The following NCR1 variants were observed in gnomAD, a reference collection of about 807,000 sequenced individuals.
NCR1 encodes the protein natural cytotoxicity triggering receptor 1, also known as NK cell-activating receptor.
A neutral mutation model predicts 32.5 loss-of-function variants in NCR1; 30 were observed. The observed-to-expected ratio is 0.92, with a 90% CI of 0.69 to 1.25. The LOEUF (loss-of-function observed/expected upper bound fraction) is 1.25, where lower values mean the gene tolerates loss of function less well. NCR1 is among the 50% of genes most tolerant of loss of function. The pLI, the probability that NCR1 is intolerant of heterozygous loss-of-function variation, is 0.00. For missense variants in NCR1, 369 were observed against 380.7 expected (o/e 0.97, Z 0.26); for synonymous variants, 169 against 143.4 (o/e 1.18, Z -1.28).
the NCR1 span, among the ~76,000 whole-genome samples, chr19:54,935,448 C>A: frequency 1.3e-5 from 2 of 152,106 alleles, no homozygotes; most frequent in East Asian, 3.9e-4. Context: ...GTAATCCTAG[C>A]ACTTTGGGAG....
downstream of NCR1, among the ~76,000 whole-genome samples, chr19:54,914,885 G>A (rs1256060845): frequency 3.3e-5 from 5 of 151,546 alleles, no homozygotes; most frequent in African/African-American, 9.7e-5. Context: ...GACTAGAGGC[G>A]CGCGCCACCA....
rs1444083219 is a variant in NCR1, at chr19:54,912,057, G to A, written c.683-111G>A. On this transcript the variant is annotated intron_variant, in intron 5 of 6. Coordinates refer to ENST00000291890, the MANE Select transcript of NCR1 (RefSeq NM_004829.7). ...ATGAAGCTCCTGGGACCCGCAGGGT[G>A]AGGTGGGACCTTGTAAAGCTGCAGA... The A allele has an allele frequency of 4.4e-6, 4 of 913,742 alleles. No individual in the cohort carries two copies. The East Asian group carries it at 7.2e-5, about 17-fold the overall frequency. The allele number at this position is 913,742 out of a possible 1,614,324, so 56.6% of individuals were successfully genotyped here. A position where few individuals can be genotyped will look rare whatever the true frequency, so the allele number is the denominator to read the frequency against.
chr19:54,904,531 C>CTTTTCTTTTTTTTTTTTT (rs1221694096), upstream of NCR1, among the ~76,000 whole-genome samples: 2 of 118,992 alleles, frequency 1.7e-5, no homozygotes, highest in African/African-American at 3.2e-5. Flanking sequence ...GTTTTCTTTT[C>CTTTTCTTTTTTTTTTTTT]TTTTTTTTTT....
At chr19:54,919,789 G>T (rs915715212), downstream of NCR1, among the ~76,000 whole-genome samples, 12 of 138,934 alleles carry the variant, frequency 8.6e-5, no homozygotes, top group Non-Finnish European at 1.8e-4. Flanking sequence ...TTTTGCTACC[G>T]CTGGACCATG....
At chr19:54,898,686 T>C in the NCR1 span, among the ~76,000 whole-genome samples, 2 of 152,144 alleles carry the variant, frequency 1.3e-5, no homozygotes, top group African/African-American at 2.4e-5. Context: ...CGTCTCAGGG[T>C]TGCTGCCAAA....
chr19:54,906,258 G>A, intron 1 of NCR1, 37 bp downstream of exon 1: 1 of 1,614,186 alleles, frequency 6.2e-7, no homozygotes, highest in Non-Finnish European at 8.5e-7. Flanking sequence ...GGATCACGGT[G>A]TGCCTGGGAG....
the NCR1 span, among the ~76,000 whole-genome samples, chr19:54,934,204 G>A: frequency 2.0e-5 from 3 of 152,126 alleles, no homozygotes; most frequent in East Asian, 1.9e-4. This position sits in a 1 kb window ranked among gnomAD's most constrained non-coding sequence, Gnocchi z 6.7. Context: ...GCCTCCCAAC[G>A]TGCTGGGATT....
chr19:54,910,461 T>G (rs2067914205), intron 5 of NCR1, among the ~76,000 whole-genome samples: 1 of 152,172 alleles, frequency 6.6e-6, no homozygotes, highest in African/African-American at 2.4e-5. Context: ...TCCCAGCTAC[T>G]CAGGAGGCTG....
upstream of NCR1, among the ~76,000 whole-genome samples, chr19:54,905,028 C>G (rs2067492285): frequency 6.6e-6 from 1 of 152,146 alleles, no homozygotes. Context: ...TATTGTGAAT[C>G]CTGCTGCAAT....
the NCR1 span, among the ~76,000 whole-genome samples, chr19:54,922,895 CACACAGAAACAG>C: frequency 6.6e-6 from 1 of 150,902 alleles, no homozygotes; most frequent in Non-Finnish European, 1.5e-5. Flanking sequence ...CAGAGACACA[CACACAGAAACAG>C]ACACAGAGAC....
upstream of NCR1, among the ~76,000 whole-genome samples, chr19:54,903,538 A>G (rs947888981): frequency 6.9e-6 from 1 of 144,808 alleles, no homozygotes; most frequent in Non-Finnish European, 1.5e-5. Context: ...ATATATATGC[A>G]TGTATGCATG....
the NCR1 span, among the ~76,000 whole-genome samples, chr19:54,926,775 G>A: frequency 2.6e-5 from 4 of 151,928 alleles, no homozygotes; most frequent in Admixed American, 6.6e-5. Context: ...AATTAGCTGG[G>A]TGTGGTGGCG....
At chr19:54,923,840 T>C in the NCR1 span, 9 of 1,614,092 alleles carry the variant, frequency 5.6e-6, no homozygotes, top group Non-Finnish European at 7.6e-6. Flanking sequence ...CAACAGCTTC[T>C]TGATTTCCAA....
At chr19:54,917,397 G>A (rs533249278), downstream of NCR1, among the ~76,000 whole-genome samples, 4 of 150,280 alleles carry the variant, frequency 2.7e-5, no homozygotes, top group Non-Finnish European at 5.9e-5. Flanking sequence ...TTGGCTCACT[G>A]CAACCTCTGC....
chr19:54,906,259 T>A, intron 1 of NCR1, 38 bp downstream of exon 1: 1 of 1,614,136 alleles, frequency 6.2e-7, no homozygotes, highest in Non-Finnish European at 8.5e-7. Context: ...GATCACGGTG[T>A]GCCTGGGAGG....
chr19:54,933,455 CTT>C, the NCR1 span: 1 of 1,379,182 alleles, frequency 7.3e-7, no homozygotes, highest in Non-Finnish European at 1.0e-6. Flanking sequence ...TCTGCCTGTT[CTT>C]TAATTCTTAC....
At chr19:54,933,835 C>T in the NCR1 span, 1 of 1,087,442 alleles carries the variant, frequency 9.2e-7, no homozygotes, top group Non-Finnish European at 1.4e-6. Flanking sequence ...TCAGCTTCAG[C>T]CCTTCCTGTT....
chr19:54,934,425 T>C, the NCR1 span: 9 of 1,550,024 alleles, frequency 5.8e-6, no homozygotes, highest in Non-Finnish European at 8.0e-6. The surrounding 1 kb of genome is among the most constrained non-coding windows in gnomAD (Gnocchi z 6.7). Flanking sequence ...AAGTCAGGTG[T>C]TACCCTTTCT....
chr19:54,905,600 G>C (rs951620942), upstream of NCR1, among the ~76,000 whole-genome samples: 2 of 152,138 alleles, frequency 1.3e-5, no homozygotes, highest in Admixed American at 1.3e-4. Flanking sequence ...TAGTGACCTT[G>C]CAGCCGCACG....
Sources: allele counts gnomAD v4.1 joint callset (sites outside exome capture counted in the v4.1 genomes callset), GRCh38; gene constraint gnomAD v4.1.1; non-coding constraint Gnocchi (gnomAD v3.1); transcripts MANE v1.5; gene names NCBI Gene and HGNC (gene_info 2026-07-23, HGNC 2026-07-21).